The following GRM7 variants were observed in gnomAD, a reference collection of about 807,000 sequenced individuals.
GRM7 encodes the protein glutamate metabotropic receptor 7.
In GRM7, 35 loss-of-function variants were observed where a neutral mutation model predicts 84.5. That is an observed-to-expected ratio of 0.41 (90% confidence interval 0.32 to 0.55). The LOEUF is 0.55. GRM7 is among the 20% of genes least tolerant of loss of function. GRM7 has a pLI of 0.19. For synonymous variants in GRM7, 487 were observed against 455.1 expected (o/e 1.07, Z -0.89); for missense variants, 1,003 against 1,194.6 (o/e 0.84, Z 2.36).
At chr3:7,402,509 A>G (rs1375568699) in intron 4 of GRM7, among the ~76,000 whole-genome samples, 2 of 152,130 alleles carry the variant, frequency 1.3e-5, no homozygotes, top group Non-Finnish European at 2.9e-5. Flanking sequence ...CGAGCCATCT[A>G]TTCTCATTTT....
intron 8 of GRM7, among the ~76,000 whole-genome samples, chr3:7,609,777 T>C (rs1277924304): frequency 1.3e-5 from 2 of 152,132 alleles, no homozygotes; most frequent in African/African-American, 4.8e-5. Context: ...AGAAGCCCAC[T>C]TGGAGTGAGT....
At chr3:6,874,690 C>G (rs1695240020) in intron 1 of GRM7, among the ~76,000 whole-genome samples, 1 of 152,154 alleles carries the variant, frequency 6.6e-6, no homozygotes, top group African/African-American at 2.4e-5. Context: ...TGTTATTATA[C>G]TATATCCTGG....
intron 2 of GRM7, among the ~76,000 whole-genome samples, chr3:7,189,414 A>G (rs1223254307): frequency 1.3e-5 from 2 of 152,184 alleles, no homozygotes; most frequent in African/African-American, 4.8e-5. Flanking sequence ...TATCAAATGA[A>G]GACGATCTGG....
chr3:7,583,611 C>A (rs2125057200), intron 8 of GRM7, among the ~76,000 whole-genome samples: 1 of 152,286 alleles, frequency 6.6e-6, no homozygotes, highest in East Asian at 1.9e-4. Flanking sequence ...TGTGTGAAAA[C>A]CAATGATAGT....
chr3:6,893,821 C>T (rs968008710), intron 1 of GRM7: 6 of 151,972 alleles, frequency 3.9e-5, no homozygotes, highest in African/African-American at 1.5e-4. Flanking sequence ...TTCATCAGAC[C>T]CTACATTTTT....
At chr3:7,668,828 A>T (rs1342182855) in intron 8 of GRM7, among the ~76,000 whole-genome samples, 1 of 152,258 alleles carries the variant, frequency 6.6e-6, no homozygotes, top group Admixed American at 6.5e-5. Context: ...TTCATCAAAC[A>T]TACATTGAAC....
intron 2 of GRM7, among the ~76,000 whole-genome samples, chr3:7,212,190 T>G (rs1696452695): frequency 9.1e-6 from 1 of 110,222 alleles, no homozygotes; most frequent in African/African-American, 4.4e-5. Context: ...TGTCATTCCT[T>G]TGGGTCTTTT....
At chr3:7,596,701 T>A (rs988704810) in intron 8 of GRM7, among the ~76,000 whole-genome samples, 2 of 151,518 alleles carry the variant, frequency 1.3e-5, no homozygotes, top group Admixed American at 1.3e-4. Flanking sequence ...AATTCAAGAG[T>A]GATTTGATGG....
chr3:7,092,524 CAGTG>C (rs1698702160), intron 1 of GRM7, among the ~76,000 whole-genome samples: 1 of 151,456 alleles, frequency 6.6e-6, no homozygotes, highest in Admixed American at 6.6e-5. Context: ...TGCTTACTGA[CAGTG>C]AGTATTCAGA....
chr3:7,356,920 TCA>T (rs34481316), intron 4 of GRM7, among the ~76,000 whole-genome samples: 28,188 of 130,980 alleles, frequency 0.22, 2,905 homozygotes, highest in South Asian at 0.29. Flanking sequence ...GCCTTTTTGA[TCA>T]CACACACACA....
chr3:7,441,314 T>C (rs1326888663), intron 5 of GRM7, among the ~76,000 whole-genome samples: 1 of 152,198 alleles, frequency 6.6e-6, no homozygotes, highest in African/African-American at 2.4e-5. Flanking sequence ...GTTCGTGTCC[T>C]TTGCCCACTT....
chr3:7,371,947 A>G (rs1225002239), intron 4 of GRM7, among the ~76,000 whole-genome samples: 1 of 152,176 alleles, frequency 6.6e-6, no homozygotes, highest in Non-Finnish European at 1.5e-5. Flanking sequence ...AGTTGGAGAT[A>G]ATCTTAAAGC....
At chr3:7,294,706 C>T (rs1226807809) in intron 2 of GRM7, among the ~76,000 whole-genome samples, 2 of 152,260 alleles carry the variant, frequency 1.3e-5, no homozygotes, top group East Asian at 1.9e-4. Flanking sequence ...CCTAGAGCAG[C>T]GTGGGCCCTA....
intron 1 of GRM7, among the ~76,000 whole-genome samples, chr3:7,083,646 G>A (rs1308743125): frequency 6.6e-6 from 1 of 152,160 alleles, no homozygotes; most frequent in Non-Finnish European, 1.5e-5. Context: ...CAGCTACTTT[G>A]TGTGAGATCC....
At position 7,617,810 on chromosome 3, in the gene GRM7, G is replaced by A. The variant is rs186358226; in HGVS notation, c.2451+38453G>A. Among the ~76,000 whole-genome samples the A allele has an allele frequency of 1.4e-3, 212 of 152,228 alleles. 1 individual carries two copies. The highest frequency in any genetic ancestry group is 4.9e-3 in the African/African-American group (205 of 41,552). On this transcript the variant is annotated intron_variant, in intron 8 of 9. Coordinates refer to ENST00000357716, the MANE Select transcript of GRM7 (RefSeq NM_000844.4). ...GTCTCTCCAACAAACTATTCCAAAT[G>A]TCGACCTTTATTAAAGAATAAGGTT... is the stretch of plus-strand genomic sequence containing the variant.
intron 1 of GRM7, among the ~76,000 whole-genome samples, chr3:7,038,486 G>A (rs1161318669): frequency 6.6e-6 from 1 of 152,186 alleles, no homozygotes; most frequent in Non-Finnish European, 1.5e-5. Flanking sequence ...CTTAGCGGCT[G>A]CCTATGAAAA....
chr3:7,629,678 A>G (rs1184027303), intron 8 of GRM7, among the ~76,000 whole-genome samples: 5 of 152,200 alleles, frequency 3.3e-5, no homozygotes, highest in Admixed American at 3.3e-4. Flanking sequence ...GCCTTACGCT[A>G]AGTATCACAC....
At chr3:6,883,530 G>A (rs1695586879) in intron 1 of GRM7, among the ~76,000 whole-genome samples, 2 of 152,074 alleles carry the variant, frequency 1.3e-5, no homozygotes, top group African/African-American at 4.8e-5. Flanking sequence ...AGGGATTATA[G>A]CCTCTATGAA....
At chr3:7,109,113 A>G (rs568666028) in intron 1 of GRM7, among the ~76,000 whole-genome samples, 2 of 152,206 alleles carry the variant, frequency 1.3e-5, no homozygotes, top group South Asian at 4.1e-4. Flanking sequence ...ATATGAAATG[A>G]GAAGAAAGAT....
Sources: gnomAD v4.1 joint callset for allele counts (sites outside exome capture counted in the v4.1 genomes callset) on GRCh38, gnomAD v4.1.1 for gene constraint, MANE v1.5 for transcripts, NCBI Gene and HGNC (gene_info 2026-07-23, HGNC 2026-07-21) for gene names.